Variants in NKAIN3 observed in about 807,000 individuals in gnomAD.
The protein encoded by NKAIN3 is sodium/potassium-transporting ATPase subunit beta-1-interacting protein 3.
NKAIN3 carries 25 observed loss-of-function variants against 30.2 expected under a neutral mutation model. The observed-to-expected ratio is 0.83, with a 90% CI of 0.60 to 1.16. The LOEUF is 1.16. NKAIN3 is among the 50% of genes most tolerant of loss of function. NKAIN3 has a pLI of 0.00. For missense variants in NKAIN3, 225 were observed against 254.1 expected, an observed-to-expected ratio of 0.89 and a Z score of 0.78; for synonymous variants, 91 against 89.6, an observed-to-expected ratio of 1.02 and a Z score of -0.09.
intron 4 of NKAIN3, among the ~76,000 whole-genome samples, chr8:62,858,714 G>A (rs1417531350): frequency 1.3e-5 from 2 of 151,750 alleles, no homozygotes; most frequent in East Asian, 3.9e-4. Context: ...CCACAGGCTG[G>A]AACAGCTGAG....
In NKAIN3 at chr8:62,523,691, G is replaced by A. The variant is rs561946292; in HGVS notation, c.55-55848G>A. Among the ~76,000 whole-genome samples, 6 of 152,186 alleles carry A rather than the reference G, an allele frequency of 3.9e-5. No homozygotes were observed. In the East Asian group the frequency reaches 1.2e-3, roughly 29 times the overall value. On this transcript the variant is annotated intron_variant, in intron 1 of 6. Coordinates refer to ENST00000623646, the MANE Select transcript of NKAIN3 (RefSeq NM_001304533.3). ...ATGGGACACTGTGGGGCCCTCCAAG[G>A]TACCTCAGTGGGGCATCTCTGGATT...
intron 3 of NKAIN3, among the ~76,000 whole-genome samples, chr8:62,706,808 A>G (rs891509881): frequency 1.3e-5 from 2 of 151,972 alleles, no homozygotes; most frequent in Non-Finnish European, 2.9e-5. Flanking sequence ...ACTTCACCAT[A>G]TTTGTAGTCT....
intron 1 of NKAIN3, among the ~76,000 whole-genome samples, chr8:62,312,285 C>A (rs13261018): frequency 0.57 from 84,964 of 150,100 alleles, 25,297 homozygotes; most frequent in Non-Finnish European, 0.61. Context: ...GAAATAACAC[C>A]TTTTGTGACT....
chr8:62,536,868 A>G (rs1808680905), intron 1 of NKAIN3, among the ~76,000 whole-genome samples: 1 of 152,094 alleles, frequency 6.6e-6, no homozygotes, highest in Non-Finnish European at 1.5e-5. Flanking sequence ...TATTCCAGCA[A>G]TCTACGAGGC....
chr8:62,606,479 C>T (rs560044268), intron 3 of NKAIN3, among the ~76,000 whole-genome samples: 63 of 152,186 alleles, frequency 4.1e-4, no homozygotes, highest in Non-Finnish European at 7.5e-4. Context: ...AGGGTAAATA[C>T]ACTTCCTGCA....
intron 1 of NKAIN3, among the ~76,000 whole-genome samples, chr8:62,484,009 G>A (rs978028056): frequency 1.3e-5 from 2 of 152,180 alleles, no homozygotes; most frequent in Non-Finnish European, 2.9e-5. Flanking sequence ...CACGCCAAGT[G>A]AAGGGCTGAC....
chr8:62,625,141 T>C (rs965837258), intron 3 of NKAIN3, among the ~76,000 whole-genome samples: 3 of 152,116 alleles, frequency 2.0e-5, no homozygotes, highest in African/African-American at 7.2e-5. Flanking sequence ...TCTTGCCTTC[T>C]AGCATTTGTT....
chr8:62,559,997 C>T (rs1563457249), intron 1 of NKAIN3, among the ~76,000 whole-genome samples: 1 of 152,022 alleles, frequency 6.6e-6, no homozygotes, highest in Admixed American at 6.6e-5. Context: ...TGAGACTGTC[C>T]TGATTTCTAC....
intron 5 of NKAIN3, among the ~76,000 whole-genome samples, chr8:62,922,527 CT>C (rs5891883): frequency 0.22 from 33,302 of 152,038 alleles, 4,321 homozygotes; most frequent in East Asian, 0.59. Context: ...AAGCAGAGGC[CT>C]GGAAGATCTT....
intron 1 of NKAIN3, among the ~76,000 whole-genome samples, chr8:62,436,609 T>C (rs536425430): frequency 2.6e-5 from 4 of 152,304 alleles, no homozygotes; most frequent in East Asian, 1.9e-4. Context: ...TAAAGTAATA[T>C]GTAAACACAT....
At chr8:62,866,978 G>T (rs564864940) in intron 4 of NKAIN3, among the ~76,000 whole-genome samples, 1 of 151,068 alleles carries the variant, frequency 6.6e-6, no homozygotes, top group Non-Finnish European at 1.5e-5. Flanking sequence ...TGGCGTGAAC[G>T]CTGGAGGCAG....
intron 5 of NKAIN3, among the ~76,000 whole-genome samples, chr8:62,995,684 A>T (rs1422939987): frequency 1.3e-5 from 2 of 151,828 alleles, no homozygotes; most frequent in African/African-American, 2.4e-5. Context: ...AGGCTAGATG[A>T]CATAAGAAAC....
intron 4 of NKAIN3, among the ~76,000 whole-genome samples, chr8:62,853,729 T>G (rs1362840375): frequency 6.6e-6 from 1 of 152,074 alleles, no homozygotes; most frequent in Non-Finnish European, 1.5e-5. Flanking sequence ...TGATGTTGGT[T>G]ATTTTTGCTA....
intron 1 of NKAIN3, among the ~76,000 whole-genome samples, chr8:62,555,011 T>TACAC (rs59610407): frequency 0.044 from 6,364 of 144,888 alleles, 187 homozygotes; most frequent in East Asian, 0.11. Flanking sequence ...GCAGAATCTA[T>TACAC]ACACACACAC....
chr8:62,280,552 G>A (rs980238794), intron 1 of NKAIN3, among the ~76,000 whole-genome samples: 3 of 152,150 alleles, frequency 2.0e-5, no homozygotes, highest in Admixed American at 6.6e-5. Context: ...ACGTCCCAGC[G>A]ATACCTGATT....
At chr8:62,520,452 A>G (rs897783756) in intron 1 of NKAIN3, among the ~76,000 whole-genome samples, 3 of 152,176 alleles carry the variant, frequency 2.0e-5, no homozygotes, top group African/African-American at 7.2e-5. Flanking sequence ...TCAATAAAAA[A>G]AGATTAATAA....
chr8:62,935,824 C>A (rs553862067), intron 5 of NKAIN3, among the ~76,000 whole-genome samples: 1 of 152,172 alleles, frequency 6.6e-6, no homozygotes, highest in East Asian at 1.9e-4. Flanking sequence ...AATCTTCTCT[C>A]AAATCAACTG....
At chr8:62,728,445 C>G (rs534887512) in intron 3 of NKAIN3, among the ~76,000 whole-genome samples, 36 of 151,174 alleles carry the variant, frequency 2.4e-4, no homozygotes, top group African/African-American at 8.3e-4. Context: ...GGCGGATCAC[C>G]TGAGGTCGGG....
chr8:62,727,412 G>A (rs760311581), intron 3 of NKAIN3, among the ~76,000 whole-genome samples: 5 of 152,006 alleles, frequency 3.3e-5, no homozygotes, highest in Non-Finnish European at 7.4e-5. Flanking sequence ...ATAAAACTTT[G>A]TTCACAGATG....
Sources: allele counts gnomAD v4.1 joint callset (sites outside exome capture counted in the v4.1 genomes callset), GRCh38; gene constraint gnomAD v4.1.1; transcripts MANE v1.5; gene names NCBI Gene and HGNC (gene_info 2026-07-23, HGNC 2026-07-21).